The following BCAS3 variants were observed in gnomAD, a reference collection of about 807,000 sequenced individuals.
The protein encoded by BCAS3 is BCAS3 microtubule associated cell migration factor.
Under a neutral mutation model 116.1 loss-of-function variants are expected in BCAS3, and 53 were observed. That is an observed-to-expected ratio of 0.46 (90% CI 0.37 to 0.57). The LOEUF (loss-of-function observed/expected upper bound fraction) is 0.57, where lower values mean the gene tolerates loss of function less well. Among genes scored for constraint, BCAS3 ranks in the 20% least tolerant of loss-of-function variants. BCAS3 has a pLI of 0.00. For missense variants in BCAS3, 917 were observed against 1,165.4 expected (o/e 0.79, Z 3.10); for synonymous variants, 391 against 408.2 (o/e 0.96, Z 0.51).
intron 6 of BCAS3, among the ~76,000 whole-genome samples, chr17:60,780,106 C>T (rs373950671): frequency 2.2e-4 from 34 of 151,456 alleles, no homozygotes; most frequent in East Asian, 5.8e-4. Context: ...TCTTCTGCCT[C>T]GGCTCCCCCG....
At chr17:61,317,029 T>C (rs577701025) in intron 22 of BCAS3, among the ~76,000 whole-genome samples, 2 of 152,314 alleles carry the variant, frequency 1.3e-5, no homozygotes, top group East Asian at 3.9e-4. Context: ...AGTTCTGAGA[T>C]AGGTGTAGCA....
intron 10 of BCAS3, among the ~76,000 whole-genome samples, chr17:60,901,062 A>G (rs2058456555): frequency 6.6e-6 from 1 of 151,950 alleles, no homozygotes; most frequent in African/African-American, 2.4e-5. Context: ...TAAACAAAAA[A>G]AATCCAGGCG....
In BCAS3 at chr17:61,222,113, G is replaced by A. The variant is rs1318658736; in HGVS notation, c.2425+137549G>A. ...CAAAGTGCATAATTTTAGGGAATTT[G>A]TTAACAGTCATGCCGACATAGATAC... On this transcript the variant is annotated intron_variant, in intron 22 of 23. Coordinates refer to ENST00000407086, the MANE Select transcript of BCAS3 (RefSeq NM_017679.5). This position sits in a 1 kb window ranked among gnomAD's most constrained non-coding sequence, Gnocchi z 6.1. 6.6e-6 allele frequency among the ~76,000 whole-genome samples: 1 copy of A among 152,148 alleles called. No individual in the cohort carries two copies. The highest frequency in any genetic ancestry group is 1.9e-4 in the East Asian group (1 of 5,194).
In BCAS3 at chr17:61,234,888, C is replaced by T. The variant is rs151135907; in HGVS notation, c.2426-133439C>T. On this transcript the variant is annotated intron_variant, in intron 22 of 23. Transcript: ENST00000407086. Reference sequence around the variant, plus strand: ...TTGTCCTAAGCACTTTATTTATTTACTTATTTATTTATTTATTGAGACGGA... The same window carrying T: ...TTGTCCTAAGCACTTTATTTATTTATTTATTTATTTATTTATTGAGACGGA... 3.4e-3 allele frequency among the ~76,000 whole-genome samples: 517 copies of T among 151,002 alleles called. 5 individuals are homozygous for T. The highest frequency in any genetic ancestry group is 0.012 in the African/African-American group (484 of 41,192).
rs2082361390 is a variant in BCAS3 at position 61,226,157 on chromosome 17, G to A, written c.2425+141593G>A. ...AGCCCAGGAGTTTGAGTCCAGCCTG[G>A]GCAATATAGCAAGACCCTAGCTCTA... is the stretch of plus-strand genomic sequence containing the variant. On this transcript the variant is annotated intron_variant, in intron 22 of 23. Transcript: ENST00000407086. The surrounding 1 kb of genome is among the most constrained non-coding windows in gnomAD (Gnocchi z 6.0). Among the ~76,000 whole-genome samples, 1 of 151,930 alleles carries A rather than the reference G, an allele frequency of 6.6e-6. No homozygotes were observed. Among genetic ancestry groups the A allele is most frequent in the Non-Finnish European group, 1.5e-5 (1 of 67,992 alleles).
chr17:61,028,068 G>T lies in BCAS3; in HGVS notation c.1638-6598G>T, dbSNP rs2066384004. ...TGTGTAGTTCTCATAACTGCTAAAT[G>T]GGGATTGTTCATACTGTTCTATTAC... On this transcript the variant is annotated intron_variant, in intron 16 of 23. Coordinates refer to ENST00000407086, the MANE Select transcript of BCAS3 (RefSeq NM_017679.5). The surrounding 1 kb of genome is among the most constrained non-coding windows in gnomAD (Gnocchi z 4.3). 6.6e-6 allele frequency among the ~76,000 whole-genome samples: 1 copy of T among 151,646 alleles called. No homozygotes were observed. The highest frequency in any genetic ancestry group is 6.6e-5 in the Admixed American group (1 of 15,210).
chr17:60,989,828 A>G, intron 14 of BCAS3, 143 bp from the exon 15 acceptor site: 2 of 844,010 alleles, frequency 2.4e-6, no homozygotes, highest in Non-Finnish European at 3.7e-6. Flanking sequence ...GCATCTGTAG[A>G]GTAAATTTTT....
intron 22 of BCAS3, among the ~76,000 whole-genome samples, chr17:61,262,726 C>T (rs183138067): frequency 1.2e-4 from 17 of 143,700 alleles, no homozygotes; most frequent in Admixed American, 8.7e-4. Flanking sequence ...GAGTTTCACT[C>T]TTGTTGCCCA....
intron 5 of BCAS3, among the ~76,000 whole-genome samples, chr17:60,746,347 C>T (rs1244484537): frequency 2.6e-5 from 4 of 152,106 alleles, no homozygotes; most frequent in Admixed American, 1.3e-4. Flanking sequence ...TTAATCTGCT[C>T]AGTGCTTCAA....
chr17:61,196,976 C>A lies in BCAS3; in HGVS notation c.2425+112412C>A, dbSNP rs1293768551. On this transcript the variant is annotated intron_variant, in intron 22 of 23. Coordinates refer to ENST00000407086, the MANE Select transcript of BCAS3 (RefSeq NM_017679.5). The surrounding 1 kb of genome is among the most constrained non-coding windows in gnomAD (Gnocchi z 4.7). ...TAATAATTGTGGTGTTGGCTCACTC[C>A]CAGAATTTTATCCAAGGGATAGGGT... Among the ~76,000 whole-genome samples, 4 of 152,164 alleles carry A rather than the reference C, an allele frequency of 2.6e-5. No individual in the cohort carries two copies. Among genetic ancestry groups the A allele is most frequent in the Non-Finnish European group, 5.9e-5 (4 of 68,030 alleles).
intron 22 of BCAS3, among the ~76,000 whole-genome samples, chr17:61,322,814 G>GAC (rs1602674620): frequency 2.7e-4 from 35 of 131,018 alleles, no homozygotes; most frequent in East Asian, 2.3e-3. Flanking sequence ...GAGAGAGAGA[G>GAC]AGAGAGAGAG....
chr17:60,828,649 G>C (rs780605349), intron 7 of BCAS3, among the ~76,000 whole-genome samples: 23 of 152,128 alleles, frequency 1.5e-4, no homozygotes, highest in Non-Finnish European at 3.2e-4. Flanking sequence ...ATCATACATT[G>C]TGTATATGAT....
chr17:60,686,322 C>G (rs2034037864), intron 3 of BCAS3, among the ~76,000 whole-genome samples: 1 of 152,146 alleles, frequency 6.6e-6, no homozygotes, highest in Non-Finnish European at 1.5e-5. Flanking sequence ...ACCTCCTGCT[C>G]TATTCTGGGA....
chr17:61,230,910 G>A (rs911828842), intron 22 of BCAS3, among the ~76,000 whole-genome samples: 2 of 149,410 alleles, frequency 1.3e-5, no homozygotes, highest in Non-Finnish European at 3.0e-5. Context: ...TAACAACAGT[G>A]TATAAGCATT....
chr17:60,944,020 C>T (rs1018705803), intron 13 of BCAS3, among the ~76,000 whole-genome samples: 1 of 151,890 alleles, frequency 6.6e-6, no homozygotes, highest in Non-Finnish European at 1.5e-5. Flanking sequence ...TGTGCTTACT[C>T]CAGAAAAGAA....
chr17:61,186,718 T>G lies in BCAS3; in HGVS notation c.2425+102154T>G, dbSNP rs1306034251. ...AGAGGCCACCAATATTAACAGTTGT[T>G]TTTTTTTTTTGAGACGGAGTCTCGC... On this transcript the variant is annotated intron_variant, in intron 22 of 23. Coordinates refer to ENST00000407086, the MANE Select transcript of BCAS3 (RefSeq NM_017679.5). The surrounding 1 kb of genome is among the most constrained non-coding windows in gnomAD (Gnocchi z 4.9). 6.6e-6 allele frequency among the ~76,000 whole-genome samples: 1 copy of G among 150,800 alleles called. No homozygotes were observed. Among genetic ancestry groups the G allele is most frequent in the African/African-American group, 2.4e-5 (1 of 41,174 alleles).
intron 2 of BCAS3, among the ~76,000 whole-genome samples, chr17:60,680,527 G>T (rs75376083): frequency 4.6e-5 from 7 of 152,146 alleles, no homozygotes; most frequent in African/African-American, 1.7e-4. Context: ...CTGTCAGAAA[G>T]TTTCAAAGTA....
At chr17:60,680,181 A>T (rs1315112627) in intron 2 of BCAS3, among the ~76,000 whole-genome samples, 2 of 151,916 alleles carry the variant, frequency 1.3e-5, no homozygotes, top group Admixed American at 1.3e-4. Context: ...TATAATAGAA[A>T]ATTAGAAAAT....
In BCAS3 at chr17:61,139,260, A is replaced by C. The variant is rs1052737734; in HGVS notation, c.2425+54696A>C. On this transcript the variant is annotated intron_variant, in intron 22 of 23. Transcript: ENST00000407086. This position sits in a 1 kb window ranked among gnomAD's most constrained non-coding sequence, Gnocchi z 4.7. Reference sequence around the variant, plus strand: ...CTAATCTAAAAAGTTGGAGGACTTAAAAAGAAAGTGTGAAGATTTTTTTTT... The same window carrying C: ...CTAATCTAAAAAGTTGGAGGACTTACAAAGAAAGTGTGAAGATTTTTTTTT... Among the ~76,000 whole-genome samples the C allele has an allele frequency of 2.6e-5, 4 of 152,248 alleles. No individual in the cohort carries two copies. The highest frequency in any genetic ancestry group is 9.6e-5 in the African/African-American group (4 of 41,464).
Sources: gnomAD v4.1 joint callset for allele counts (sites outside exome capture counted in the v4.1 genomes callset) on GRCh38, gnomAD v4.1.1 for gene constraint, Gnocchi (gnomAD v3.1) non-coding constraint, MANE v1.5 for transcripts, NCBI Gene and HGNC (gene_info 2026-07-23, HGNC 2026-07-21) for gene names.